Variants in MEGF11 observed in about 807,000 individuals in gnomAD.
The protein encoded by MEGF11 is multiple EGF like domains 11.
In MEGF11, 126 loss-of-function variants were observed where a neutral mutation model predicts 146.6. The observed-to-expected ratio is 0.86, with a 90% confidence interval of 0.74 to 1.00. The LOEUF (loss-of-function observed/expected upper bound fraction) is 1.00. MEGF11 is among the 50% of genes least tolerant of loss of function. The pLI, the probability that MEGF11 is intolerant of heterozygous loss-of-function variation, is 0.00. For synonymous variants in MEGF11, 532 were observed against 583.4 expected, an observed-to-expected ratio of 0.91 and a Z score of 1.27; for missense variants, 1,509 against 1,521.2, an observed-to-expected ratio of 0.99 and a Z score of 0.13.
At chr15:66,183,657 C>T (rs2090616075) in intron 1 of MEGF11, among the ~76,000 whole-genome samples, 1 of 152,154 alleles carries the variant, frequency 6.6e-6, no homozygotes, top group Non-Finnish European at 1.5e-5. Flanking sequence ...CACCTGAAGT[C>T]CACAGACAAG....
At chr15:66,167,672 AACAAAC>A (rs764328575) in intron 1 of MEGF11, among the ~76,000 whole-genome samples, 15 of 151,998 alleles carry the variant, frequency 9.9e-5, no homozygotes, top group East Asian at 1.9e-4. Flanking sequence ...CAAACAAACA[AACAAAC>A]AAACAAAAAA....
At chr15:66,185,378 G>A (rs1162893833) in intron 1 of MEGF11, among the ~76,000 whole-genome samples, 1 of 152,160 alleles carries the variant, frequency 6.6e-6, no homozygotes, top group Admixed American at 6.5e-5. Context: ...AAAGTAAATA[G>A]CACATTTGCT....
At chr15:66,110,118 A>G (rs2087315328) in intron 4 of MEGF11, among the ~76,000 whole-genome samples, 1 of 152,164 alleles carries the variant, frequency 6.6e-6, no homozygotes, top group African/African-American at 2.4e-5. Context: ...CCAGGGTGGA[A>G]CAGGAGGAAT....
chr15:66,171,642 G>C (rs1412681296), intron 1 of MEGF11, among the ~76,000 whole-genome samples: 1 of 151,860 alleles, frequency 6.6e-6, no homozygotes, highest in Non-Finnish European at 1.5e-5. Flanking sequence ...AAAACCACAT[G>C]GGGACTCCTC....
intron 5 of MEGF11, among the ~76,000 whole-genome samples, chr15:65,995,533 A>G (rs981212709): frequency 1.3e-5 from 2 of 152,230 alleles, no homozygotes; most frequent in African/African-American, 2.4e-5. Context: ...GGCCAGTAAC[A>G]GCCCCTAGAC....
chr15:66,141,664 G>A (rs779712211), intron 1 of MEGF11, among the ~76,000 whole-genome samples: 1 of 152,064 alleles, frequency 6.6e-6, no homozygotes, highest in East Asian at 1.9e-4. Flanking sequence ...GGGCCTGAGG[G>A]CAGGATTCTC....
At chr15:66,218,983 A>T (rs2091660471) in intron 1 of MEGF11, among the ~76,000 whole-genome samples, 4 of 150,782 alleles carry the variant, frequency 2.7e-5, no homozygotes, top group Admixed American at 6.6e-5. Flanking sequence ...CACAGGCAAA[A>T]AAAAAAAAAA....
rs2079452102 is a variant in MEGF11 at position 65,928,457 on chromosome 15, G to C, written c.1643C>G (p.Thr548Arg). The change falls in exon 13 of 26, where the codon ACA becomes AGA. Residue 548 changes from threonine to arginine, a missense_variant. By Grantham distance (71) the Thr-to-Arg change is moderately conservative (BLOSUM62 -1). Coordinates refer to ENST00000395614, the MANE Select transcript of MEGF11 (RefSeq NM_001385028.1). ...TCCGGCCAGGCAGCAGCAGTGGCCT[G>C]TGACGGGGTCACATCCATCAGCATG... Reference protein sequence around the residue: ...CSHADGCDPVTGHCCCLAGWT... With the variant: ...CSHADGCDPVRGHCCCLAGWT... The C allele has an allele frequency of 5.6e-6, 9 of 1,603,400 alleles. No individual in the cohort carries two copies. Among genetic ancestry groups the C allele is most frequent in the Non-Finnish European group, 6.8e-6 (8 of 1,173,526 alleles).
At chr15:66,109,651 C>T (rs546969300) in intron 4 of MEGF11, among the ~76,000 whole-genome samples, 1 of 152,192 alleles carries the variant, frequency 6.6e-6, no homozygotes, top group Non-Finnish European at 1.5e-5. Context: ...ACTCTCCGGC[C>T]GGCTGAGGTC....
chr15:66,031,755 C>T (rs931367778), intron 5 of MEGF11, among the ~76,000 whole-genome samples: 23 of 152,216 alleles, frequency 1.5e-4, no homozygotes, highest in African/African-American at 5.6e-4. Context: ...ACAGTACTCC[C>T]TGCTCTGGTC....
chr15:65,978,687 A>C (rs1339585249), intron 7 of MEGF11, among the ~76,000 whole-genome samples: 2 of 152,186 alleles, frequency 1.3e-5, no homozygotes, highest in African/African-American at 4.8e-5. Flanking sequence ...TGCTGGGTGG[A>C]TTTCTGAAAG....
intron 1 of MEGF11, among the ~76,000 whole-genome samples, chr15:66,136,521 C>G (rs1476880203): frequency 2.0e-5 from 3 of 152,178 alleles, no homozygotes; most frequent in Non-Finnish European, 1.5e-5. Flanking sequence ...AGAACCTTCC[C>G]GACCGACCTA....
In MEGF11 at chr15:66,094,865, C is replaced by T. The variant is rs139833569; in HGVS notation, c.302-371G>A. On this transcript the variant is annotated intron_variant, in intron 4 of 25. Transcript: ENST00000395614. ...CCCATCTGCTTAGGAAATGATCTGT[C>T]CCTTGTATCTTCTGCTTTCCCTAGT... 7.9e-4 allele frequency among the ~76,000 whole-genome samples: 120 copies of T among 152,260 alleles called. 1 individual carries two copies. The highest frequency in any genetic ancestry group is 2.8e-3 in the African/African-American group (115 of 41,544).
intron 25 of MEGF11, chr15:65,898,493 G>A (rs1346265176): frequency 1.0e-6 from 1 of 985,386 alleles, no homozygotes; most frequent in Non-Finnish European, 1.2e-6. Flanking sequence ...CCCACCCCCA[G>A]TATTTGTTTC....
chr15:66,056,315 C>G (rs1293065605), intron 5 of MEGF11, among the ~76,000 whole-genome samples: 2 of 152,110 alleles, frequency 1.3e-5, no homozygotes, highest in Non-Finnish European at 2.9e-5. Context: ...CAGGACTTAA[C>G]CTTCTGAGCC....
intron 22 of MEGF11, among the ~76,000 whole-genome samples, 155 bp downstream of exon 22, chr15:65,909,585 T>C (rs1434950180): frequency 1.3e-5 from 2 of 152,172 alleles, no homozygotes; most frequent in African/African-American, 4.8e-5. Flanking sequence ...AAAGGGATTC[T>C]TGGGCTTCAT....
chr15:66,152,202 G>A (rs1243991374), intron 1 of MEGF11, among the ~76,000 whole-genome samples: 7 of 152,230 alleles, frequency 4.6e-5, no homozygotes, highest in Middle Eastern at 3.4e-3. Flanking sequence ...GTGTCTCGGT[G>A]TCCCCACTTA....
chr15:66,104,687 ACAG>A (rs2086982378), intron 4 of MEGF11, among the ~76,000 whole-genome samples: 1 of 152,218 alleles, frequency 6.6e-6, no homozygotes, highest in Non-Finnish European at 1.5e-5. Context: ...TTCTTACATT[ACAG>A]ATAAGAAGCT....
chr15:66,191,706 T>C (rs2090883884), intron 1 of MEGF11, among the ~76,000 whole-genome samples: 1 of 152,078 alleles, frequency 6.6e-6, no homozygotes, highest in African/African-American at 2.4e-5. Context: ...GAGGAGGGCA[T>C]GGGAATGACA....
Sources: allele counts gnomAD v4.1 joint callset (sites outside exome capture counted in the v4.1 genomes callset), GRCh38; gene constraint gnomAD v4.1.1; transcripts MANE v1.5; gene names NCBI Gene and HGNC (gene_info 2026-07-23, HGNC 2026-07-21).